PCDHA13: variants seen among roughly 807,000 people sequenced by gnomAD.
The protein encoded by PCDHA13 is protocadherin alpha-13.
A neutral mutation model predicts 64.8 loss-of-function variants in PCDHA13; 54 were observed. The observed-to-expected ratio is 0.83, with a 90% CI of 0.67 to 1.04. PCDHA13 has a LOEUF of 1.04. PCDHA13 is among the 50% of genes least tolerant of loss of function. PCDHA13 has a pLI of 0.00. For missense variants in PCDHA13, 1,248 were observed against 1,254.3 expected, an observed-to-expected ratio of 0.99 and a Z score of 0.08; for synonymous variants, 587 against 564.4, an observed-to-expected ratio of 1.04 and a Z score of -0.57.
intron 1 of PCDHA13, among the ~76,000 whole-genome samples, chr5:140,948,219 T>G (rs1285446038): frequency 6.6e-6 from 1 of 151,682 alleles, no homozygotes; most frequent in Non-Finnish European, 1.5e-5. Context: ...CAAACATTGT[T>G]AGATTTAACT....
chr5:140,898,148 A>C lies in PCDHA13; in HGVS notation c.2394+13486A>C, dbSNP rs532668918. On this transcript the variant is annotated intron_variant, in intron 1 of 3. Coordinates refer to ENST00000289272, the MANE Select transcript of PCDHA13 (RefSeq NM_018904.3). ...CTCCCATTTTGTAGGTTGCCTGTTC[A>C]CGCTGATGGTGGTTTCTTTTGCTGT... Among the ~76,000 whole-genome samples, 1,044 of 152,230 alleles carry C rather than the reference A, an allele frequency of 6.9e-3. 8 individuals are homozygous for C. The highest frequency in any genetic ancestry group is 0.024 in the African/African-American group (1,010 of 41,492).
At chr5:140,906,017 C>G (rs1172988114) in intron 1 of PCDHA13, among the ~76,000 whole-genome samples, 2 of 152,188 alleles carry the variant, frequency 1.3e-5, no homozygotes, top group African/African-American at 2.4e-5. Flanking sequence ...AGTCTAATCT[C>G]TCCACGTTCT....
intron 1 of PCDHA13, among the ~76,000 whole-genome samples, chr5:140,905,368 T>C (rs536118800): frequency 6.6e-6 from 1 of 152,218 alleles, no homozygotes; most frequent in African/African-American, 2.4e-5. Flanking sequence ...TATTTCTGGT[T>C]CTCTGTTCTG....
chr5:140,991,121 C>G (rs1220661100), intron 3 of PCDHA13, among the ~76,000 whole-genome samples: 1 of 152,184 alleles, frequency 6.6e-6, no homozygotes, highest in Non-Finnish European at 1.5e-5. Context: ...TTCTTACATT[C>G]ACACAGCTAG....
intron 1 of PCDHA13, among the ~76,000 whole-genome samples, chr5:140,919,772 A>G (rs1421766938): frequency 6.6e-6 from 1 of 152,102 alleles, no homozygotes; most frequent in Non-Finnish European, 1.5e-5. Context: ...TATTACTGTT[A>G]CACATATTAC....
At chr5:140,953,928 C>T (rs246028) in intron 1 of PCDHA13, among the ~76,000 whole-genome samples, 85,608 of 151,876 alleles carry the variant, frequency 0.56, 24,758 homozygotes, top group African/African-American at 0.69. Flanking sequence ...CTTCCTGATG[C>T]TCTCCCTCCC....
chr5:140,916,220 A>G (rs886998484), intron 1 of PCDHA13, among the ~76,000 whole-genome samples: 11 of 152,084 alleles, frequency 7.2e-5, no homozygotes, highest in African/African-American at 2.7e-4. Context: ...AGATCCAAAT[A>G]TGCTTTCCAG....
intron 1 of PCDHA13, among the ~76,000 whole-genome samples, chr5:140,958,077 A>C (rs2095408004): frequency 1.3e-5 from 2 of 152,124 alleles, no homozygotes; most frequent in African/African-American, 4.8e-5. Context: ...AGAAGCAAAA[A>C]GTAAAGTTGT....
At chr5:140,993,459 TTCTCAC>T (rs2097559303) in intron 3 of PCDHA13, among the ~76,000 whole-genome samples, 1 of 83,038 alleles carries the variant, frequency 1.2e-5, no homozygotes, top group African/African-American at 4.6e-5. Context: ...CCTTCTTTCT[TTCTCAC>T]ACACACACAC....
At chr5:140,967,879 T>C in intron 1 of PCDHA13, 1 of 1,614,104 alleles carries the variant, frequency 6.2e-7, no homozygotes, top group Non-Finnish European at 8.5e-7. Context: ...CGGACCTGTA[T>C]AGCCCAGTGC....
Position 140,903,378 on chromosome 5 carries a change from G to T in PCDHA13, c.2394+18716G>T, listed in dbSNP as rs938741904. Among the ~76,000 whole-genome samples, 3 of 152,196 alleles carry T rather than the reference G, an allele frequency of 2.0e-5. No homozygotes were observed. In the South Asian group the frequency reaches 6.2e-4, roughly 32 times the overall value. On this transcript the variant is annotated intron_variant, in intron 1 of 3. Coordinates refer to ENST00000289272, the MANE Select transcript of PCDHA13 (RefSeq NM_018904.3). Reference sequence around the variant, plus strand: ...GTTTTTCAAAAATATAGGGAGGATTGTGGTTACTTCTAGAAACAGTAGTGC... The same window carrying T: ...GTTTTTCAAAAATATAGGGAGGATTTTGGTTACTTCTAGAAACAGTAGTGC...
chr5:140,967,985 A>C, intron 1 of PCDHA13: 1 of 1,614,218 alleles, frequency 6.2e-7, no homozygotes, highest in Non-Finnish European at 8.5e-7. Context: ...TCTGGAGGCC[A>C]CACTGCCTTT....
In PCDHA13 at chr5:140,884,006, C is replaced by T. The variant is rs369069323; in HGVS notation, c.1738C>T (p.Leu580=). The change falls in exon 1 of 4, where the codon CTG becomes TTG. Residue 580 remains leucine, a synonymous_variant. Transcript: ENST00000289272. Reference sequence around the variant, plus strand: ...CAGCGCGGGAGGCACAGTGAGCGAGCTGATGCCGCGGTCGGTGGGTGCAGG... The same window carrying T: ...CAGCGCGGGAGGCACAGTGAGCGAGTTGATGCCGCGGTCGGTGGGTGCAGG... ...AGSAGGTVSE[L]MPRSVGAGHV... 1.2e-6 allele frequency: 2 copies of T among 1,612,906 alleles called. No individual in the cohort carries two copies. The highest frequency in any genetic ancestry group is 2.7e-5 in the African/African-American group (2 of 74,918).
chr5:140,974,302 C>G (rs782329639), intron 1 of PCDHA13, among the ~76,000 whole-genome samples: 1 of 152,176 alleles, frequency 6.6e-6, no homozygotes, highest in Non-Finnish European at 1.5e-5. Flanking sequence ...GGAGGTACAA[C>G]TGTGAGTGAG....
intron 3 of PCDHA13, among the ~76,000 whole-genome samples, chr5:141,002,135 G>C (rs1265359430): frequency 2.6e-5 from 4 of 152,236 alleles, no homozygotes; most frequent in Admixed American, 2.6e-4. Flanking sequence ...AGCCTTTGCC[G>C]GCTGCACTGA....
rs1311209449 is a variant in PCDHA13, at chr5:141,010,944, A to G, written c.*1007A>G. On this transcript the variant is annotated 3_prime_UTR_variant, in exon 4 of 4. Transcript: ENST00000289272. ...GAGAATTCAGTCTACAGCCATTTAA[A>G]TGATCATTGCTGCTACAGAAGTGCT... 6.5e-6 allele frequency: 1 copy of G among 153,776 alleles called. No individual in the cohort carries two copies. The highest frequency in any genetic ancestry group is 2.4e-5 in the African/African-American group (1 of 41,450). 9.5% of individuals were successfully genotyped at this position (153,776 alleles called of 1,614,324 possible).
chr5:140,917,333 G>GT (rs1401985588), intron 1 of PCDHA13, among the ~76,000 whole-genome samples: 2 of 148,632 alleles, frequency 1.3e-5, no homozygotes, highest in Admixed American at 6.7e-5. Context: ...GCGGGGGAGG[G>GT]GGGGGATGGT....
In PCDHA13 at chr5:140,884,236, G is replaced by A. The variant is rs368136155; in HGVS notation, c.1968G>A (p.Glu656=). The part of the protein sequence containing the change: ...RLLVLVKDHG[E]PALTATATVL... ...TGGTGCTGGTGAAGGACCACGGTGAGCCCGCGCTGACGGCCACGGCAACGG... is the reference window on the plus strand; with the variant it reads ...TGGTGCTGGTGAAGGACCACGGTGAACCCGCGCTGACGGCCACGGCAACGG... The change falls in exon 1 of 4, where the codon GAG becomes GAA. Residue 656 remains glutamate, a synonymous_variant. Transcript: ENST00000289272. 11 of 1,613,334 alleles carry A rather than the reference G, an allele frequency of 6.8e-6. No homozygotes were observed. The African/African-American group carries it at 1.2e-4, about 18-fold the overall frequency.
intron 1 of PCDHA13, chr5:140,927,075 C>A (rs1304732952): frequency 1.9e-6 from 3 of 1,611,070 alleles, no homozygotes; most frequent in Non-Finnish European, 2.5e-6. Context: ...TTTCCAGCCA[C>A]CGCGAGCTCT....
Sources: gnomAD v4.1 joint callset for allele counts (sites outside exome capture counted in the v4.1 genomes callset) on GRCh38, gnomAD v4.1.1 for gene constraint, MANE v1.5 for transcripts, NCBI Gene and HGNC (gene_info 2026-07-23, HGNC 2026-07-21) for gene names.